Variants in ARHGAP20 observed in about 807,000 individuals in gnomAD.
The protein encoded by ARHGAP20 is Rho GTPase activating protein 20.
A neutral mutation model predicts 73.7 loss-of-function variants in ARHGAP20; 34 were observed. The ratio of observed to expected loss-of-function variants is 0.46; its 90% CI spans 0.35 to 0.61. The LOEUF (loss-of-function observed/expected upper bound fraction) is 0.61. Among genes scored for constraint, ARHGAP20 ranks in the 20% least tolerant of loss-of-function variants. ARHGAP20 has a pLI of 0.00. For missense variants in ARHGAP20, 1,314 were observed against 1,420.9 expected (o/e 0.92, Z 1.21); for synonymous variants, 523 against 518.2 (o/e 1.01, Z -0.13).
chr11:110,685,965 G>C (rs995709379), intron 2 of ARHGAP20, among the ~76,000 whole-genome samples: 11 of 152,176 alleles, frequency 7.2e-5, no homozygotes, highest in East Asian at 1.9e-4. Flanking sequence ...AGTACCACTT[G>C]AACTAGCTGT....
At chr11:110,701,990 G>C (rs1033414454) in intron 1 of ARHGAP20, among the ~76,000 whole-genome samples, 1 of 152,126 alleles carries the variant, frequency 6.6e-6, no homozygotes, top group African/African-American at 2.4e-5. Flanking sequence ...CTGTAGCCTT[G>C]TAGTATAGTT....
rs1408277285 is a variant in ARHGAP20, at chr11:110,606,589, G to T, written c.936C>A (p.Ser312Arg). 6.2e-7 allele frequency: 1 copy of T among 1,611,056 alleles called. No individual in the cohort carries two copies. Among genetic ancestry groups the T allele is most frequent in the Admixed American group, 1.7e-5 (1 of 59,584 alleles). ...EMQCQFILKP[S>R]RLAAAQQLSD... Reference sequence around the variant, plus strand: ...TCAGTTGCTGGGCTGCAGCCAGGCGGCTGGGCTTCAGGATGAACTGGCACT... The same window carrying T: ...TCAGTTGCTGGGCTGCAGCCAGGCGTCTGGGCTTCAGGATGAACTGGCACT... The change falls in exon 9 of 15, where the codon AGC (serine) becomes AGA (arginine). Residue 312 changes from serine (S) to arginine (R), a missense_variant. Coordinates refer to ENST00000683387, the MANE Select transcript of ARHGAP20 (RefSeq NM_001384657.1).
At chr11:110,676,731 T>C (rs1453587488) in intron 2 of ARHGAP20, among the ~76,000 whole-genome samples, 1 of 152,202 alleles carries the variant, frequency 6.6e-6, no homozygotes, top group Non-Finnish European at 1.5e-5. Context: ...GTACATACAT[T>C]AATTTTATGA....
chr11:110,686,556 G>A lies in ARHGAP20; in HGVS notation c.188+3991C>T, dbSNP rs988391683. Among the ~76,000 whole-genome samples, 7 of 151,948 alleles carry A rather than the reference G, an allele frequency of 4.6e-5. No homozygotes were observed. In the East Asian group the frequency reaches 7.7e-4, roughly 17 times the overall value. ...AATACTTCCTTAAAACTCTTATCTT[G>A]TATTCCTTTTTTATAAGCAAATCAA... On this transcript the variant is annotated intron_variant, in intron 2 of 14. Transcript: ENST00000683387.
chr11:110,629,262 G>A (rs1469434140), intron 3 of ARHGAP20, among the ~76,000 whole-genome samples: 1 of 152,084 alleles, frequency 6.6e-6, no homozygotes, highest in Non-Finnish European at 1.5e-5. Context: ...TCAAACCCCA[G>A]CCCTGCCATT....
At position 110,579,910 on chromosome 11, in the gene ARHGAP20, G is replaced by A. The variant is rs368567456; in HGVS notation, c.3036C>T (p.Arg1012=). 4 of 1,614,096 alleles carry A rather than the reference G, an allele frequency of 2.5e-6. No homozygotes were observed. The African/African-American group carries it at 5.3e-5, about 22-fold the overall frequency. The change falls in exon 15 of 15, where the codon CGC becomes CGT. Residue 1012 remains arginine (R), a synonymous_variant. Coordinates refer to ENST00000683387, the MANE Select transcript of ARHGAP20 (RefSeq NM_001384657.1). ...TGGTGTCCTTCTTTGTATAGGCTGGGCGGCTGCAAGCCTGCCCTGATGAGG... is the reference window on the plus strand; with the variant it reads ...TGGTGTCCTTCTTTGTATAGGCTGGACGGCTGCAAGCCTGCCCTGATGAGG... ...PGPSSGQACS[R]PAYTKKDTME...
intron 12 of ARHGAP20, among the ~76,000 whole-genome samples, chr11:110,584,084 C>G (rs11213489): frequency 0.16 from 25,063 of 152,034 alleles, 2,623 homozygotes; most frequent in East Asian, 0.31. Context: ...ATATTTTCAA[C>G]CAAAAACAAC....
chr11:110,676,862 T>C (rs142095214), intron 2 of ARHGAP20, among the ~76,000 whole-genome samples: 2 of 152,248 alleles, frequency 1.3e-5, no homozygotes, highest in African/African-American at 4.8e-5. Flanking sequence ...TTATGGTGTA[T>C]AACATGATAT....
intron 11 of ARHGAP20, among the ~76,000 whole-genome samples, chr11:110,587,100 G>GACC (rs1184349682): frequency 6.6e-6 from 1 of 152,186 alleles, no homozygotes. Context: ...AACAGGATAT[G>GACC]ACCAAGTATG....
intron 2 of ARHGAP20, among the ~76,000 whole-genome samples, chr11:110,673,281 G>A (rs374593092): frequency 2.1e-4 from 32 of 152,224 alleles, no homozygotes; most frequent in East Asian, 1.5e-3. Context: ...ACATTTCACA[G>A]CCCTTTTAGC....
At chr11:110,683,295 G>A (rs1460688969) in intron 2 of ARHGAP20, among the ~76,000 whole-genome samples, 1 of 152,094 alleles carries the variant, frequency 6.6e-6, no homozygotes, top group South Asian at 2.1e-4. Context: ...ATGAGCACTT[G>A]TGGCATTTTG....
chr11:110,711,612 C>T, intron 1 of ARHGAP20: 2 of 1,486,788 alleles, frequency 1.3e-6, no homozygotes, highest in South Asian at 1.3e-5. Context: ...CCTCGGCGGG[C>T]AGGTGAGGGG....
At chr11:110,620,960 G>A (rs543663047) in intron 4 of ARHGAP20, among the ~76,000 whole-genome samples, 9 of 150,672 alleles carry the variant, frequency 6.0e-5, no homozygotes, top group African/African-American at 2.2e-4. Flanking sequence ...TGTAATCCCA[G>A]CTACTCAGGA....
In ARHGAP20 at chr11:110,625,040, T is replaced by A. The variant is rs755573633; in HGVS notation, c.354-729A>T. ...TTTTTATTTTTATTTTTATTTTTTTTTTTTTTTTGAGACGGAGTCTCGCTC... is the reference window on the plus strand; with the variant it reads ...TTTTTATTTTTATTTTTATTTTTTTATTTTTTTTGAGACGGAGTCTCGCTC... On this transcript the variant is annotated intron_variant, in intron 3 of 14. Transcript: ENST00000683387. Among the ~76,000 whole-genome samples, 788 of 137,798 alleles carry A rather than the reference T, an allele frequency of 5.7e-3. 8 individuals are homozygous for A. The highest frequency in any genetic ancestry group is 0.012 in the South Asian group (53 of 4,294). The allele number at this position is 137,798 out of a possible 152,430, so 90.4% of individuals were successfully genotyped here.
chr11:110,677,945 TA>T (rs1949965444), intron 2 of ARHGAP20, among the ~76,000 whole-genome samples: 1 of 152,132 alleles, frequency 6.6e-6, no homozygotes, highest in Non-Finnish European at 1.5e-5. Context: ...GCATTATTCA[TA>T]AATAGCCAAA....
At chr11:110,641,722 C>G (rs1167377472) in intron 2 of ARHGAP20, among the ~76,000 whole-genome samples, 1 of 151,822 alleles carries the variant, frequency 6.6e-6, no homozygotes, top group Admixed American at 6.6e-5. Flanking sequence ...CAAAATGAAA[C>G]AAAAACAACA....
At chr11:110,613,930 T>G (rs1363247367) in intron 6 of ARHGAP20, among the ~76,000 whole-genome samples, 1 of 152,166 alleles carries the variant, frequency 6.6e-6, no homozygotes, top group Admixed American at 6.5e-5. Flanking sequence ...ATTGATAACA[T>G]TTATCTCTTG....
chr11:110,636,741 A>C (rs1424899914), intron 2 of ARHGAP20, among the ~76,000 whole-genome samples: 1 of 152,044 alleles, frequency 6.6e-6, no homozygotes, highest in Non-Finnish European at 1.5e-5. Context: ...GAAGGAAACA[A>C]AAACACAACT....
chr11:110,630,784 G>A lies in ARHGAP20; in HGVS notation c.197C>T (p.Pro66Leu). 6.2e-7 allele frequency: 1 copy of A among 1,613,746 alleles called. No individual in the cohort carries two copies. Among genetic ancestry groups the A allele is most frequent in the South Asian group, 1.1e-5 (1 of 90,998 alleles). Reference protein sequence around the residue: ...LQKRPTTRDSPSASVDTCTFL... With the variant: ...LQKRPTTRDSLSASVDTCTFL... The stretch of plus-strand genomic sequence containing the variant: ...TGTGCATGTGTCAACACTAGCAGAA[G>A]GACTGTCCCTGTAACAGATCAAATG... The change falls in exon 3 of 15, where the codon CCT (proline) becomes CTT (leucine). Residue 66 changes from proline (P) to leucine (L), a missense_variant. Around this residue, in one of 3 missense-constraint regions of ARHGAP20, gnomAD observed 443 missense variants for 466.4 expected, o/e 0.95. Transcript: ENST00000683387.
Sources: gnomAD v4.1 joint callset for allele counts (sites outside exome capture counted in the v4.1 genomes callset) on GRCh38, gnomAD v4.1.1 for gene constraint, gnomAD v4.1.1 regional missense constraint, MANE v1.5 for transcripts, NCBI Gene and HGNC (gene_info 2026-07-23, HGNC 2026-07-21) for gene names.